ZBTB7C: variants seen among roughly 807,000 people sequenced by gnomAD.
The protein encoded by ZBTB7C is zinc finger and BTB domain-containing protein 7C.
In ZBTB7C, 8 loss-of-function variants were observed where a neutral mutation model predicts 25.7. The observed-to-expected ratio is 0.31, with a 90% CI of 0.18 to 0.56. The LOEUF is 0.56. Among genes scored for constraint, ZBTB7C ranks in the 20% least tolerant of loss-of-function variants. The pLI is 0.91. For missense variants in ZBTB7C, 824 were observed against 855.2 expected (o/e 0.96, Z 0.46); for synonymous variants, 394 against 369.0 (o/e 1.07, Z -0.78).
chr18:48,185,297 C>G, intron 3 of ZBTB7C: 1 of 444,526 alleles, frequency 2.2e-6, no homozygotes, highest in South Asian at 1.6e-5. Context: ...CTGCCCGGGC[C>G]ATGCCAGCCA....
At chr18:48,103,992 G>A (rs76407666) in intron 3 of ZBTB7C, among the ~76,000 whole-genome samples, 3,152 of 152,238 alleles carry the variant, frequency 0.021, 37 homozygotes, top group Non-Finnish European at 0.031. Flanking sequence ...TCTTTTCAAG[G>A]TGATGAATAT....
chr18:48,050,437 G>A (rs938363039), intron 3 of ZBTB7C, among the ~76,000 whole-genome samples: 3 of 152,134 alleles, frequency 2.0e-5, no homozygotes, highest in African/African-American at 4.8e-5. Context: ...GGGTAAAGCC[G>A]GCCCCACCTG....
intron 3 of ZBTB7C, among the ~76,000 whole-genome samples, chr18:48,116,152 C>T (rs1450304694): frequency 2.6e-5 from 4 of 152,118 alleles, no homozygotes; most frequent in African/African-American, 9.7e-5. Flanking sequence ...GACAGTGGCA[C>T]AAATGCTCCC....
intron 3 of ZBTB7C, among the ~76,000 whole-genome samples, chr18:48,170,221 T>C (rs2041422572): frequency 6.6e-6 from 1 of 152,232 alleles, no homozygotes; most frequent in African/African-American, 2.4e-5. Context: ...TCAGCATTCT[T>C]ACTGTGCTGA....
At chr18:48,220,504 T>C (rs373839391) in intron 2 of ZBTB7C, among the ~76,000 whole-genome samples, 1 of 152,252 alleles carries the variant, frequency 6.6e-6, no homozygotes, top group African/African-American at 2.4e-5. Flanking sequence ...GGATGTAACT[T>C]AGAATCAAAC....
intron 1 of ZBTB7C, among the ~76,000 whole-genome samples, chr18:48,394,829 C>T (rs1368066298): frequency 7.9e-5 from 12 of 152,218 alleles, no homozygotes; most frequent in Admixed American, 2.6e-4. Flanking sequence ...TGCAAATGCA[C>T]GGGGCTAAGA....
At chr18:48,250,687 A>C (rs555725310) in intron 2 of ZBTB7C, among the ~76,000 whole-genome samples, 1 of 152,304 alleles carries the variant, frequency 6.6e-6, no homozygotes, top group African/African-American at 2.4e-5. Context: ...ATTTTCTGAC[A>C]AACTTTAATG....
At chr18:48,263,457 A>C (rs2044227867) in intron 2 of ZBTB7C, among the ~76,000 whole-genome samples, 1 of 152,260 alleles carries the variant, frequency 6.6e-6, no homozygotes, top group African/African-American at 2.4e-5. Context: ...TAAGGATTAG[A>C]GAAAACAGAA....
At chr18:48,331,654 A>C (rs527355030) in intron 2 of ZBTB7C, among the ~76,000 whole-genome samples, 102 of 152,284 alleles carry the variant, frequency 6.7e-4, no homozygotes, top group African/African-American at 2.4e-3. Flanking sequence ...GCCTTCTCCA[A>C]ACTTGCCTTA....
At chr18:48,232,833 C>T (rs2145356826) in intron 2 of ZBTB7C, among the ~76,000 whole-genome samples, 1 of 152,258 alleles carries the variant, frequency 6.6e-6, no homozygotes, top group South Asian at 2.1e-4. Context: ...ATCCCAGTAC[C>T]CCAGTTAAGA....
chr18:48,160,101 C>T (rs1307383847), intron 3 of ZBTB7C, among the ~76,000 whole-genome samples: 5 of 152,210 alleles, frequency 3.3e-5, no homozygotes, highest in Non-Finnish European at 4.4e-5. Flanking sequence ...CCACAGTCTC[C>T]TCCCGCACAA....
chr18:48,049,405 C>G lies in ZBTB7C; in HGVS notation c.-16-8282G>C, dbSNP rs1399307787. On this transcript the variant is annotated intron_variant, in intron 3 of 4. Coordinates refer to ENST00000590800, the MANE Select transcript of ZBTB7C (RefSeq NM_001318841.2). ...TTGGGTTATTTGGAAGTCCCATTCC[C>G]CCAGTGAGATCACCTGCTTCAAGGC... Among the ~76,000 whole-genome samples the G allele has an allele frequency of 3.3e-5, 5 of 152,156 alleles. No homozygotes were observed. In the East Asian group the frequency reaches 5.8e-4, roughly 18 times the overall value.
chr18:48,179,900 TCCTTCCTTCCTC>T (rs2041847228), intron 3 of ZBTB7C, among the ~76,000 whole-genome samples: 1 of 140,242 alleles, frequency 7.1e-6, no homozygotes, highest in Non-Finnish European at 1.5e-5. Context: ...AAGATATTTC[TCCTTCCTTCCTC>T]CCTTCCTTCC....
chr18:48,310,206 G>A (rs2045780883), intron 2 of ZBTB7C, among the ~76,000 whole-genome samples: 1 of 150,412 alleles, frequency 6.6e-6, no homozygotes, highest in African/African-American at 2.5e-5. Flanking sequence ...CTCCAGCCTG[G>A]GCAACAGAGT....
rs192206515 is a variant in ZBTB7C, at chr18:48,341,888, C to T, written c.-303-3490G>A. ...AGGGGGAGATGGAGAGAAACCCTGC[C>T]GTTGGTGGGGGGCCTCCCTCCAAGG... is the stretch of plus-strand genomic sequence containing the variant. On this transcript the variant is annotated intron_variant, in intron 1 of 4. Coordinates refer to ENST00000590800, the MANE Select transcript of ZBTB7C (RefSeq NM_001318841.2). Among the ~76,000 whole-genome samples, 194 of 152,294 alleles carry T rather than the reference C, an allele frequency of 1.3e-3. 1 individual carries two copies. Among genetic ancestry groups the T allele is most frequent in the Admixed American group, 5.0e-3 (76 of 15,304 alleles).
intron 1 of ZBTB7C, among the ~76,000 whole-genome samples, chr18:48,390,702 G>A (rs938787560): frequency 1.3e-5 from 2 of 152,174 alleles, no homozygotes; most frequent in Non-Finnish European, 2.9e-5. Flanking sequence ...CTGCGTCCCA[G>A]CATCGCCAAG....
At chr18:48,077,031 TAGAA>T (rs1263473100) in intron 3 of ZBTB7C, 2 of 905,390 alleles carry the variant, frequency 2.2e-6, no homozygotes, top group African/African-American at 4.3e-5. Flanking sequence ...AGGAAGAGAA[TAGAA>T]AGAAATGCAC....
intron 3 of ZBTB7C, among the ~76,000 whole-genome samples, chr18:48,106,362 A>G (rs187622748): frequency 2.0e-5 from 3 of 152,308 alleles, no homozygotes; most frequent in African/African-American, 7.2e-5. Context: ...AAAAAAAGAA[A>G]AAGGCAATAT....
chr18:48,297,512 A>C (rs1194735876), intron 2 of ZBTB7C, among the ~76,000 whole-genome samples: 2 of 151,854 alleles, frequency 1.3e-5, no homozygotes, highest in Non-Finnish European at 2.9e-5. Flanking sequence ...CTTCCACCCA[A>C]AGGGAAGCAG....
Sources: allele counts gnomAD v4.1 joint callset (sites outside exome capture counted in the v4.1 genomes callset), GRCh38; gene constraint gnomAD v4.1.1; transcripts MANE v1.5; gene names NCBI Gene and HGNC (gene_info 2026-07-23, HGNC 2026-07-21).